RASSF3: variants seen among roughly 807,000 people sequenced by gnomAD.
RASSF3 encodes Ras association domain family member 3.
RASSF3 carries 19 observed loss-of-function variants against 19.9 expected under a neutral mutation model. The ratio of observed to expected loss-of-function variants is 0.96; its 90% CI spans 0.67 to 1.40. The LOEUF (loss-of-function observed/expected upper bound fraction) is 1.40. RASSF3 is among the 40% of genes most tolerant of loss of function. RASSF3 has a pLI of 0.00. For missense variants in RASSF3, 306 were observed against 289.8 expected (o/e 1.06, Z -0.41); for synonymous variants, 110 against 104.2 (o/e 1.06, Z -0.34).
At chr12:64,666,760 A>C (rs1369532569) in intron 1 of RASSF3, among the ~76,000 whole-genome samples, 1 of 152,218 alleles carries the variant, frequency 6.6e-6, no homozygotes, top group East Asian at 1.9e-4. Context: ...GAAGGGCAGA[A>C]CCTGTGCTCT....
At chr12:64,573,406 T>C (rs1460255934) in intron 2 of RASSF3, among the ~76,000 whole-genome samples, 2 of 152,234 alleles carry the variant, frequency 1.3e-5, no homozygotes, top group Non-Finnish European at 2.9e-5. Context: ...ACTAATACAT[T>C]ATTTTATTTC....
At chr12:64,585,577 T>A (rs1044750861) in intron 2 of RASSF3, among the ~76,000 whole-genome samples, 1 of 151,502 alleles carries the variant, frequency 6.6e-6, no homozygotes, top group Non-Finnish European at 1.5e-5. Flanking sequence ...ATCTACACTG[T>A]TACTGCATTT....
intron 1 of RASSF3, among the ~76,000 whole-genome samples, chr12:64,540,002 A>T (rs941743403): frequency 6.6e-6 from 1 of 152,158 alleles, no homozygotes; most frequent in Admixed American, 6.5e-5. Flanking sequence ...TGGTCTTTTT[A>T]TCTCGATGGC....
chr12:64,536,421 C>T (rs977558418), intron 1 of RASSF3, among the ~76,000 whole-genome samples: 40 of 152,094 alleles, frequency 2.6e-4, no homozygotes, highest in Non-Finnish European at 5.0e-4. Context: ...AACAAAAATG[C>T]ATCAAAAGAA....
chr12:64,545,324 T>G (rs1869035362), downstream of RASSF3, among the ~76,000 whole-genome samples: 1 of 152,218 alleles, frequency 6.6e-6, no homozygotes, highest in South Asian at 2.1e-4. Flanking sequence ...TTGCAAAGTT[T>G]CTCAAAAGGT....
intron 1 of RASSF3, among the ~76,000 whole-genome samples, chr12:64,649,713 C>T (rs753622382): frequency 9.2e-5 from 14 of 152,186 alleles, no homozygotes; most frequent in Non-Finnish European, 1.8e-4. Flanking sequence ...TCATGCTTAA[C>T]ACTTCCAAAA....
intron 1 of RASSF3, among the ~76,000 whole-genome samples, chr12:64,676,822 G>C (rs1255913153): frequency 6.7e-6 from 1 of 150,310 alleles, no homozygotes; most frequent in African/African-American, 2.5e-5. Flanking sequence ...AGGCTGGAGT[G>C]CAGTGGCACG....
intron 1 of RASSF3, among the ~76,000 whole-genome samples, chr12:64,637,756 C>G (rs1239073067): frequency 6.6e-6 from 1 of 151,658 alleles, no homozygotes; most frequent in Non-Finnish European, 1.5e-5. Context: ...TCTAGAAACA[C>G]TCCAAAGTGT....
intron 1 of RASSF3, among the ~76,000 whole-genome samples, chr12:64,651,216 CTAAA>C (rs1871941480): frequency 6.6e-6 from 1 of 152,068 alleles, no homozygotes; most frequent in African/African-American, 2.4e-5. Flanking sequence ...TTAGTTACAA[CTAAA>C]TGTCAGGAAA....
chr12:64,618,833 A>T (rs1281034201), intron 1 of RASSF3, among the ~76,000 whole-genome samples: 2 of 152,198 alleles, frequency 1.3e-5, no homozygotes, highest in Admixed American at 1.3e-4. Flanking sequence ...GTTTTTAAGC[A>T]ATCGAAACGT....
At chr12:64,564,996 G>C (rs1869405593) in intron 2 of RASSF3, among the ~76,000 whole-genome samples, 1 of 151,340 alleles carries the variant, frequency 6.6e-6, no homozygotes, top group Non-Finnish European at 1.5e-5. Context: ...GGCCAGGATG[G>C]TCTCGAACTC....
intron 2 of RASSF3, among the ~76,000 whole-genome samples, chr12:64,558,690 G>A (rs1228131157): frequency 1.3e-5 from 2 of 152,150 alleles, no homozygotes; most frequent in African/African-American, 4.8e-5. Context: ...AATGGCCAGA[G>A]GTCTTTCTGA....
intron 1 of RASSF3, among the ~76,000 whole-genome samples, chr12:64,649,494 C>T (rs1237298945): frequency 6.6e-6 from 1 of 152,084 alleles, no homozygotes; most frequent in Non-Finnish European, 1.5e-5. Context: ...GCCTGGCCAG[C>T]CATCTGGATT....
At position 64,561,142 on chromosome 12, in the gene RASSF3, A is replaced by G. The variant is rs115050963; in HGVS notation, c.294+19437A>G. On this transcript the variant is annotated intron_variant, in intron 2 of 5. Coordinates refer to the RASSF3 transcript ENST00000637125. ...GGTCTGCAGCTGTGGCCATTAGTCA[A>G]TTATGCTCCCTGCAGCCGGAGAGCT... 5.4e-3 allele frequency among the ~76,000 whole-genome samples: 817 copies of G among 152,244 alleles called. 9 individuals are homozygous for G. Among genetic ancestry groups the G allele is most frequent in the African/African-American group, 0.018 (763 of 41,546 alleles).
At chr12:64,644,015 AAC>A (rs1326608246) in intron 1 of RASSF3, among the ~76,000 whole-genome samples, 4 of 151,902 alleles carry the variant, frequency 2.6e-5, no homozygotes, top group African/African-American at 7.3e-5. Context: ...GTTTTTCTTA[AAC>A]ACAGTTTCCT....
At chr12:64,575,149 C>T (rs181019064) in intron 2 of RASSF3, among the ~76,000 whole-genome samples, 1 of 152,328 alleles carries the variant, frequency 6.6e-6, no homozygotes, top group East Asian at 1.9e-4. Context: ...AAAGAACCTT[C>T]AGATCAAGTT....
chr12:64,659,322 A>G (rs1048889608), intron 1 of RASSF3, among the ~76,000 whole-genome samples: 3 of 152,150 alleles, frequency 2.0e-5, no homozygotes, highest in African/African-American at 4.8e-5. Flanking sequence ...TCCTGATAAG[A>G]TTATTCTTCT....
At chr12:64,514,947 TTTTC>T (rs1392063124) in intron 1 of RASSF3, among the ~76,000 whole-genome samples, 13 of 152,010 alleles carry the variant, frequency 8.6e-5, no homozygotes, top group Non-Finnish European at 1.8e-4. Context: ...TAAATTTTTG[TTTTC>T]TTTATCTCTA....
intron 2 of RASSF3, among the ~76,000 whole-genome samples, chr12:64,587,688 AT>A (rs1869837259): frequency 1.3e-5 from 2 of 152,174 alleles, no homozygotes; most frequent in African/African-American, 4.8e-5. Context: ...GTTTGTGGGC[AT>A]TTGCCTGGCT....
Sources: allele counts gnomAD v4.1 joint callset (sites outside exome capture counted in the v4.1 genomes callset), GRCh38; gene constraint gnomAD v4.1.1; transcripts MANE v1.5; gene names NCBI Gene and HGNC (gene_info 2026-07-23, HGNC 2026-07-21).